Variants in BST1 observed in about 807,000 individuals in gnomAD.
BST1 encodes ADP-ribosyl cyclase/cyclic ADP-ribose hydrolase 2.
BST1 carries 49 observed loss-of-function variants against 40.6 expected under a neutral mutation model. The ratio of observed to expected loss-of-function variants is 1.21; its 90% confidence interval spans 0.96 to 1.53. BST1 has a LOEUF of 1.53. Among genes scored for constraint, BST1 ranks in the 40% most tolerant of loss-of-function variants. BST1 has a pLI of 0.00. For synonymous variants in BST1, 157 were observed against 159.3 expected (o/e 0.99, Z 0.11); for missense variants, 423 against 395.9 (o/e 1.07, Z -0.58).
At chr4:15,704,968 T>A (rs1262928541) in intron 1 of BST1, 1 of 774,908 alleles carries the variant, frequency 1.3e-6, no homozygotes, top group Non-Finnish European at 2.4e-6. Context: ...CCACCCAGTA[T>A]GAGAAACAAA....
chr4:15,747,156 C>A, the BST1 span, among the ~76,000 whole-genome samples: 1 of 152,142 alleles, frequency 6.6e-6, no homozygotes, highest in African/African-American at 2.4e-5. Flanking sequence ...AGACTGTGAT[C>A]GTCCATTGTG....
At chr4:15,727,281 G>T (rs1035365080) in intron 8 of BST1, among the ~76,000 whole-genome samples, 4 of 152,216 alleles carry the variant, frequency 2.6e-5, no homozygotes, top group African/African-American at 9.7e-5. Context: ...GGGGTTTGCA[G>T]TTCCTGACCT....
chr4:15,737,226 G>A (rs544363614), downstream of BST1, among the ~76,000 whole-genome samples: 1 of 152,306 alleles, frequency 6.6e-6, no homozygotes, highest in African/African-American at 2.4e-5. Context: ...TACTAGAGTT[G>A]TTTGATAGCT....
At chr4:15,742,189 T>C (rs1721764616), downstream of BST1, among the ~76,000 whole-genome samples, 1 of 152,206 alleles carries the variant, frequency 6.6e-6, no homozygotes. Flanking sequence ...CCAAACTTCA[T>C]GCTGAGATTT....
At chr4:15,755,015 C>G in the BST1 span, among the ~76,000 whole-genome samples, 5 of 152,216 alleles carry the variant, frequency 3.3e-5, no homozygotes, top group Non-Finnish European at 7.3e-5. Context: ...TCAATACATA[C>G]AGAGATCCCT....
At chr4:15,757,330 C>A in the BST1 span, among the ~76,000 whole-genome samples, 5 of 152,090 alleles carry the variant, frequency 3.3e-5, no homozygotes, top group Non-Finnish European at 7.4e-5. Context: ...AATTCACAGC[C>A]ATGCCAAAGA....
chr4:15,767,018 G>A, the BST1 span, among the ~76,000 whole-genome samples: 1 of 151,766 alleles, frequency 6.6e-6, no homozygotes, highest in African/African-American at 2.4e-5. Flanking sequence ...TAGTAGATAA[G>A]GCCAAGGTGA....
downstream of BST1, among the ~76,000 whole-genome samples, chr4:15,739,943 G>A (rs1721699787): frequency 6.6e-6 from 1 of 151,966 alleles, no homozygotes; most frequent in African/African-American, 2.4e-5. Context: ...CAGACAGACA[G>A]AGAAACAGAG....
intron 6 of BST1, among the ~76,000 whole-genome samples, chr4:15,717,007 C>T (rs1720552639): frequency 6.6e-6 from 1 of 152,048 alleles, no homozygotes; most frequent in South Asian, 2.1e-4. Flanking sequence ...GAATTCCTGA[C>T]CTCAGGTGAT....
At chr4:15,755,178 G>A in the BST1 span, among the ~76,000 whole-genome samples, 18 of 151,560 alleles carry the variant, frequency 1.2e-4, no homozygotes, top group African/African-American at 2.7e-4. Context: ...TCACTCTGTC[G>A]CCCAGGCTGG....
intron 7 of BST1, among the ~76,000 whole-genome samples, chr4:15,721,591 G>A (rs371148184): frequency 6.6e-5 from 10 of 150,804 alleles, no homozygotes; most frequent in African/African-American, 2.2e-4. Context: ...TCACTCACAG[G>A]TGGGAACTGA....
downstream of BST1, among the ~76,000 whole-genome samples, chr4:15,735,453 G>A (rs572556249): frequency 5.9e-5 from 9 of 152,232 alleles, no homozygotes; most frequent in African/African-American, 1.7e-4. Context: ...TTTGTTGGAG[G>A]AGGCCAGGGA....
downstream of BST1, among the ~76,000 whole-genome samples, chr4:15,734,239 G>A (rs1479544911): frequency 2.0e-5 from 3 of 152,144 alleles, no homozygotes; most frequent in African/African-American, 7.2e-5. Context: ...AAAAATTTTG[G>A]GAGCGATGGA....
chr4:15,744,869 T>C, the BST1 span, among the ~76,000 whole-genome samples: 5,048 of 152,314 alleles, frequency 0.033, 282 homozygotes, highest in African/African-American at 0.12. Flanking sequence ...TTCAGACTTA[T>C]ACAGAACTGA....
chr4:15,734,626 G>A (rs992904914), downstream of BST1, among the ~76,000 whole-genome samples: 2 of 152,128 alleles, frequency 1.3e-5, no homozygotes, highest in Non-Finnish European at 2.9e-5. Flanking sequence ...CAGGAGTCAT[G>A]ATGGATGAAG....
At chr4:15,714,472 G>A (rs1263741422) in intron 4 of BST1, among the ~76,000 whole-genome samples, 1 of 152,100 alleles carries the variant, frequency 6.6e-6, no homozygotes, top group Non-Finnish European at 1.5e-5. Flanking sequence ...GTTGAATTTT[G>A]CTTTGAAAGC....
At chr4:15,738,748 T>C (rs970091658), downstream of BST1, among the ~76,000 whole-genome samples, 1 of 152,146 alleles carries the variant, frequency 6.6e-6, no homozygotes, top group Non-Finnish European at 1.5e-5. Flanking sequence ...AACACAACAA[T>C]GAAAATTTCC....
At chr4:15,703,903 C>T (rs1453995767) in intron 1 of BST1, among the ~76,000 whole-genome samples, 12 of 102,382 alleles carry the variant, frequency 1.2e-4, no homozygotes, top group South Asian at 3.4e-4. Flanking sequence ...TGTGTGCGTG[C>T]GCTCTAGAGG....
chr4:15,715,307 T>C lies in BST1; in HGVS notation c.557T>C (p.Val186Ala), dbSNP rs1720447117. Residue 186 changes from valine (V) to alanine (A), a missense_variant, in exon 5 of 9, where the codon GTG becomes GCG. By Grantham distance (64) the Val-to-Ala change is moderately conservative. Transcript: ENST00000265016. Reference sequence around the variant, plus strand: ...TAGTATTCCAAGGATAGTTCTGGGGTGATCCACGTCATGCTGAATGGTTCA... The same window carrying C: ...TAGTATTCCAAGGATAGTTCTGGGGCGATCCACGTCATGCTGAATGGTTCA... Reference protein sequence around the residue: ...SIQYSKDSSGVIHVMLNGSEP... With the variant: ...SIQYSKDSSGAIHVMLNGSEP... 1.9e-6 allele frequency: 3 copies of C among 1,614,038 alleles called. No homozygotes were observed. The highest frequency in any genetic ancestry group is 2.5e-6 in the Non-Finnish European group (3 of 1,180,018).
Sources: gnomAD v4.1 joint callset for allele counts (sites outside exome capture counted in the v4.1 genomes callset) on GRCh38, gnomAD v4.1.1 for gene constraint, MANE v1.5 for transcripts, NCBI Gene and HGNC (gene_info 2026-07-23, HGNC 2026-07-21) for gene names.